The following C3orf52 variants were observed in gnomAD, a reference collection of about 807,000 sequenced individuals.
C3orf52 encodes chromosome 3 open reading frame 52.
In C3orf52, 22 loss-of-function variants were observed where a neutral mutation model predicts 24.8. That is an observed-to-expected ratio of 0.89 (90% CI 0.63 to 1.27). The LOEUF is 1.27. C3orf52 is among the 50% of genes most tolerant of loss of function. The pLI, the probability that C3orf52 is intolerant of heterozygous loss-of-function variation, is 0.00. For synonymous variants in C3orf52, 93 were observed against 100.2 expected (o/e 0.93, Z 0.43); for missense variants, 265 against 260.7 (o/e 1.02, Z -0.11).
chr3:112,125,868 T>C (rs2074306668), intron 4 of C3orf52, among the ~76,000 whole-genome samples: 1 of 152,244 alleles, frequency 6.6e-6, no homozygotes, highest in Non-Finnish European at 1.5e-5. Context: ...TTTCAAAGCC[T>C]AGTTAAAACC....
chr3:112,133,355 C>G, downstream of C3orf52: 1 of 463,658 alleles, frequency 2.2e-6, no homozygotes, highest in Non-Finnish European at 3.8e-6. Context: ...ACCAACCTGG[C>G]TGTTGGCCAT....
intron 3 of C3orf52, among the ~76,000 whole-genome samples, chr3:112,107,768 G>A (rs1387263232): frequency 6.6e-6 from 1 of 152,184 alleles, no homozygotes; most frequent in Non-Finnish European, 1.5e-5. Context: ...TTTTTATAAA[G>A]ATCACAACAG....
At chr3:112,100,310 G>A (rs1367374132) in intron 2 of C3orf52, among the ~76,000 whole-genome samples, 1 of 152,040 alleles carries the variant, frequency 6.6e-6, no homozygotes, top group East Asian at 1.9e-4. Context: ...CCAAAGAACT[G>A]TTTTCATGTT....
intron 1 of C3orf52, among the ~76,000 whole-genome samples, chr3:112,090,481 G>T (rs1044388588): frequency 2.0e-5 from 3 of 151,448 alleles, no homozygotes; most frequent in Admixed American, 1.3e-4. Flanking sequence ...TTTATTTTTT[G>T]TTGTGACAGA....
chr3:112,125,410 A>T (rs1332919609), intron 4 of C3orf52, among the ~76,000 whole-genome samples: 1 of 152,174 alleles, frequency 6.6e-6, no homozygotes, highest in Non-Finnish European at 1.5e-5. Flanking sequence ...CTGGGGAGTG[A>T]CAGGACATCT....
chr3:112,118,676 A>C (rs1161438822), downstream of C3orf52, among the ~76,000 whole-genome samples: 1 of 152,208 alleles, frequency 6.6e-6, no homozygotes, highest in African/African-American at 2.4e-5. Context: ...TTGAAAAAAA[A>C]CGGCCCTTAC....
intron 4 of C3orf52, chr3:112,123,844 AG>A: frequency 6.7e-7 from 1 of 1,488,730 alleles, no homozygotes; most frequent in Non-Finnish European, 9.0e-7. Flanking sequence ...GTCTCAACAC[AG>A]GCTTGACCCT....
At chr3:112,127,081 A>G (rs759098990) in intron 4 of C3orf52, 9 of 1,229,428 alleles carry the variant, frequency 7.3e-6, no homozygotes, top group Middle Eastern at 3.8e-4. Flanking sequence ...AGAAACTCTC[A>G]AAGGAAATGA....
At chr3:112,086,569 C>G in intron 1 of C3orf52, 24 bp downstream of exon 1, 1 of 1,532,752 alleles carries the variant, frequency 6.5e-7, no homozygotes, top group Non-Finnish European at 8.8e-7. Flanking sequence ...GGCGCTGGCC[C>G]TAACTTGCCG....
intron 1 of C3orf52, among the ~76,000 whole-genome samples, chr3:112,087,818 A>C (rs1553766786): frequency 6.6e-6 from 1 of 152,142 alleles, no homozygotes; most frequent in Non-Finnish European, 1.5e-5. Context: ...GATTAGATGG[A>C]CCCGCACACC....
intron 2 of C3orf52, among the ~76,000 whole-genome samples, chr3:112,094,363 T>C (rs1282262689): frequency 3.3e-5 from 5 of 152,228 alleles, no homozygotes; most frequent in Non-Finnish European, 5.9e-5. Context: ...AAACAAAAAA[T>C]GTATAGAATG....
At chr3:112,087,408 G>A (rs916730568) in intron 1 of C3orf52, among the ~76,000 whole-genome samples, 2 of 152,018 alleles carry the variant, frequency 1.3e-5, no homozygotes, top group Admixed American at 6.5e-5. Flanking sequence ...TGACTTCCCA[G>A]CCATCCACCT....
Position 112,086,491 on chromosome 3 carries a change from CAATGGTGCCGACAAG to C in C3orf52, c.85_99del (p.Asn29_Lys33del). On this transcript the variant is annotated inframe_deletion, in exon 1 of 6. Coordinates refer to ENST00000264848, the MANE Select transcript of C3orf52 (RefSeq NM_024616.3). The stretch of plus-strand genomic sequence containing the variant: ...GGCAGCCAGAAGAGAACACGCCTCT[CAATGGTGCCGACAAG>C]GTCTTCCCTTCTTTGGACGAGGAGG... 2.6e-6 allele frequency: 4 copies of C among 1,551,530 alleles called. No homozygotes were observed. The highest frequency in any genetic ancestry group is 3.5e-6 in the Non-Finnish European group (4 of 1,146,880).
downstream of C3orf52, among the ~76,000 whole-genome samples, chr3:112,120,374 TC>T (rs1576154084): frequency 6.6e-6 from 1 of 152,358 alleles, no homozygotes; most frequent in East Asian, 1.9e-4. Context: ...CTCAAGTTTG[TC>T]CTAAAAAACG....
At chr3:112,123,842 A>C (rs963750946) in intron 4 of C3orf52, 3 of 1,507,150 alleles carry the variant, frequency 2.0e-6, no homozygotes, top group Non-Finnish European at 1.8e-6. Flanking sequence ...CAGTCTCAAC[A>C]CAGGCTTGAC....
intron 2 of C3orf52, among the ~76,000 whole-genome samples, chr3:112,095,056 AAGGAAT>A (rs1428402832): frequency 1.3e-5 from 2 of 152,136 alleles, no homozygotes; most frequent in Admixed American, 1.3e-4. Flanking sequence ...GTAATTCCTG[AAGGAAT>A]AGGAAAACTT....
chr3:112,103,247 A>T (rs1314192378), intron 3 of C3orf52, among the ~76,000 whole-genome samples: 1 of 152,174 alleles, frequency 6.6e-6, no homozygotes, highest in Non-Finnish European at 1.5e-5. Context: ...GAGCAGGAAA[A>T]AAAGTAACTA....
At chr3:112,100,292 T>C (rs2073960534) in intron 2 of C3orf52, among the ~76,000 whole-genome samples, 2 of 152,364 alleles carry the variant, frequency 1.3e-5, no homozygotes, top group South Asian at 4.1e-4. Context: ...TAATTTCTTA[T>C]ATTCTAGCCA....
downstream of C3orf52, among the ~76,000 whole-genome samples, chr3:112,131,771 TTTGTC>T (rs774671245): frequency 9.2e-5 from 14 of 152,352 alleles, no homozygotes; most frequent in African/African-American, 3.1e-4. Context: ...TGTGAGTTGA[TTTGTC>T]TTATCTTAGG....
Sources: gnomAD v4.1 joint callset for allele counts (sites outside exome capture counted in the v4.1 genomes callset) on GRCh38, gnomAD v4.1.1 for gene constraint, MANE v1.5 for transcripts, NCBI Gene and HGNC (gene_info 2026-07-23, HGNC 2026-07-21) for gene names.